The following CNTN4 variants were observed in gnomAD, a reference collection of about 807,000 sequenced individuals.
CNTN4 encodes the protein contactin-4.
Under a neutral mutation model 122.5 loss-of-function variants are expected in CNTN4, and 77 were observed. That is an observed-to-expected ratio of 0.63 (90% confidence interval 0.52 to 0.76). CNTN4 has a LOEUF of 0.76. Among genes scored for constraint, CNTN4 ranks in the 30% least tolerant of loss-of-function variants. CNTN4 has a pLI of 0.00. For synonymous variants in CNTN4, 512 were observed against 447.0 expected (o/e 1.15, Z -1.83); for missense variants, 1,256 against 1,259.1 (o/e 1.00, Z 0.04).
chr3:2,654,657 T>A (rs6770384), intron 4 of CNTN4, among the ~76,000 whole-genome samples: 6,775 of 152,286 alleles, frequency 0.044, 215 homozygotes, highest in Middle Eastern at 0.11. Flanking sequence ...TATCTTTGTT[T>A]AGAAAAGAAA....
At chr3:3,026,977 C>T (rs1271434957) in intron 15 of CNTN4, among the ~76,000 whole-genome samples, 5 of 152,096 alleles carry the variant, frequency 3.3e-5, no homozygotes, top group African/African-American at 7.2e-5. Context: ...AGATGGACTC[C>T]GGCTGCCATT....
At chr3:2,374,196 C>T (rs1006049457) in intron 3 of CNTN4, among the ~76,000 whole-genome samples, 1 of 152,064 alleles carries the variant, frequency 6.6e-6, no homozygotes, top group African/African-American at 2.4e-5. Flanking sequence ...ATTGTCTGTC[C>T]ATAGATTGTG....
chr3:2,357,061 C>T (rs1206426371), intron 3 of CNTN4, among the ~76,000 whole-genome samples: 2 of 152,096 alleles, frequency 1.3e-5, no homozygotes, highest in East Asian at 1.9e-4. Context: ...AACTTAAAAG[C>T]GCTTACAGAC....
chr3:2,969,110 T>G (rs1192852881), intron 13 of CNTN4, among the ~76,000 whole-genome samples: 2 of 152,236 alleles, frequency 1.3e-5, no homozygotes, highest in East Asian at 3.8e-4. Flanking sequence ...AAAGGGAATC[T>G]GCTGACTCAC....
chr3:2,278,862 C>T (rs2041615705), intron 2 of CNTN4, among the ~76,000 whole-genome samples: 1 of 150,766 alleles, frequency 6.6e-6, no homozygotes, highest in Non-Finnish European at 1.5e-5. Flanking sequence ...GGATGATTGT[C>T]ACTACTGTTA....
intron 4 of CNTN4, among the ~76,000 whole-genome samples, chr3:2,697,223 T>C (rs2086089770): frequency 6.6e-6 from 1 of 152,228 alleles, no homozygotes; most frequent in South Asian, 2.1e-4. Flanking sequence ...AAAGAGAGCC[T>C]GTAGTATTGA....
intron 3 of CNTN4, among the ~76,000 whole-genome samples, chr3:2,436,177 T>C (rs2048251004): frequency 6.6e-6 from 1 of 152,172 alleles, no homozygotes; most frequent in African/African-American, 2.4e-5. Flanking sequence ...CCAACATTTT[T>C]ATTGAGTGCA....
intron 4 of CNTN4, among the ~76,000 whole-genome samples, chr3:2,632,490 G>A (rs2082487416): frequency 6.6e-6 from 1 of 152,134 alleles, no homozygotes; most frequent in South Asian, 2.1e-4. Context: ...ACATGACATT[G>A]AGAGGCATGA....
chr3:2,811,452 A>AT (rs779076784), intron 6 of CNTN4, among the ~76,000 whole-genome samples: 1 of 146,418 alleles, frequency 6.8e-6, no homozygotes, highest in South Asian at 2.2e-4. Flanking sequence ...TTTTTATTTT[A>AT]TTATTTATTT....
chr3:2,099,945 C>G (rs1299801371), intron 1 of CNTN4, among the ~76,000 whole-genome samples: 2 of 152,186 alleles, frequency 1.3e-5, no homozygotes, highest in Non-Finnish European at 2.9e-5. Context: ...GCTCCTGAAT[C>G]CCTCTGAACC....
chr3:2,410,731 T>G (rs2047198249), intron 3 of CNTN4, among the ~76,000 whole-genome samples: 1 of 152,178 alleles, frequency 6.6e-6, no homozygotes, highest in Non-Finnish European at 1.5e-5. Flanking sequence ...ATACATCTCC[T>G]TTACTGAGAC....
At chr3:2,399,580 A>G (rs1575551013) in intron 3 of CNTN4, among the ~76,000 whole-genome samples, 3 of 152,094 alleles carry the variant, frequency 2.0e-5, no homozygotes, top group African/African-American at 7.2e-5. Context: ...GAAAATGTTA[A>G]TATTAACTAT....
intron 3 of CNTN4, among the ~76,000 whole-genome samples, chr3:2,408,197 T>G (rs1426801764): frequency 6.6e-6 from 1 of 152,170 alleles, no homozygotes; most frequent in Non-Finnish European, 1.5e-5. Flanking sequence ...TGTATTGATA[T>G]CCTGAGACCT....
intron 12 of CNTN4, among the ~76,000 whole-genome samples, chr3:2,920,094 C>T (rs969556237): frequency 6.6e-6 from 1 of 151,644 alleles, no homozygotes; most frequent in South Asian, 2.1e-4. Flanking sequence ...CCCGAAGTGC[C>T]GATATTGAAG....
At chr3:2,492,422 C>T (rs773177957) in intron 3 of CNTN4, among the ~76,000 whole-genome samples, 7 of 152,038 alleles carry the variant, frequency 4.6e-5, no homozygotes, top group South Asian at 2.1e-4. Context: ...ATGTCATACC[C>T]GGTTGACAAC....
chr3:2,887,214 A>G lies in CNTN4; in HGVS notation c.930A>G (p.Leu310=). 1 of 1,613,010 alleles carries G rather than the reference A, an allele frequency of 6.2e-7. No homozygotes were observed. The highest frequency in any genetic ancestry group is 8.5e-7 in the Non-Finnish European group (1 of 1,179,812). The change falls in exon 10 of 25, where the codon CTA becomes CTG. Residue 310 remains leucine, a synonymous_variant. Transcript: ENST00000418658. ...SRGKNVARGQ[L]TFYAQPNWIQ... is the part of the protein sequence containing the mutation. ...GGAAAAATGTAGCAAGGGGACAGCTAACTTTCTATGGTAAGTGTATGATTT... is the reference window on the plus strand; with the variant it reads ...GGAAAAATGTAGCAAGGGGACAGCTGACTTTCTATGGTAAGTGTATGATTT...
intron 6 of CNTN4, among the ~76,000 whole-genome samples, chr3:2,776,278 T>C (rs796382189): frequency 0.014 from 106 of 7,646 alleles, no homozygotes; most frequent in African/African-American, 0.018. Context: ...GTGTTTCTTT[T>C]TTTTTTTTTT....
At chr3:2,731,488 G>T (rs1024367164) in intron 4 of CNTN4, among the ~76,000 whole-genome samples, 1 of 152,192 alleles carries the variant, frequency 6.6e-6, no homozygotes, top group Non-Finnish European at 1.5e-5. Context: ...GCCTGCACTA[G>T]ATCCTCCAAG....
chr3:2,237,676 G>C (rs2149585291), intron 2 of CNTN4, among the ~76,000 whole-genome samples: 1 of 151,362 alleles, frequency 6.6e-6, no homozygotes, highest in Admixed American at 6.6e-5. Flanking sequence ...TTTATTTCTG[G>C]TCTAAAAATT....
Sources: allele counts gnomAD v4.1 joint callset (sites outside exome capture counted in the v4.1 genomes callset), GRCh38; gene constraint gnomAD v4.1.1; transcripts MANE v1.5; gene names NCBI Gene and HGNC (gene_info 2026-07-23, HGNC 2026-07-21).